Variants in UNC5D observed in about 807,000 individuals in gnomAD.
UNC5D encodes unc-5 netrin receptor D.
Under a neutral mutation model 105.4 loss-of-function variants are expected in UNC5D, and 39 were observed. The observed-to-expected ratio is 0.37, with a 90% CI of 0.29 to 0.48. The LOEUF is 0.48. Among genes scored for constraint, UNC5D ranks in the 20% least tolerant of loss-of-function variants. The pLI, the probability that UNC5D is intolerant of heterozygous loss-of-function variation, is 0.98. For synonymous variants in UNC5D, 452 were observed against 450.4 expected, an observed-to-expected ratio of 1.00 and a Z score of -0.04; for missense variants, 991 against 1,202.4, an observed-to-expected ratio of 0.82 and a Z score of 2.60.
rs10657691 is a variant in UNC5D at position 35,734,335 on chromosome 8, C to CAAAAAAA, written c.1766+3260_1766+3266dup. Among the ~76,000 whole-genome samples the CAAAAAAA allele has an allele frequency of 5.7e-4, 16 of 28,288 alleles. 1 individual carries two copies. The highest frequency in any genetic ancestry group is 1.6e-3 in the African/African-American group (15 of 9,482). 18.6% of individuals were successfully genotyped at this position (28,288 alleles called of 152,430 possible). A position where few individuals can be genotyped will look rare whatever the true frequency, so the allele number is the denominator to read the frequency against. Reference sequence around the variant, plus strand: ...GGAGGAAACCAGCAGTAATCACTGTCAAAAAAAAAAAAAAAAAAAAAAAAA... The same window carrying CAAAAAAA: ...GGAGGAAACCAGCAGTAATCACTGTCAAAAAAAAAAAAAAAAAAAAAAAAAAAAAAAA... On this transcript the variant is annotated intron_variant, in intron 11 of 16. Transcript: ENST00000404895.
chr8:35,521,403 ATAAG>A (rs1192019764), intron 1 of UNC5D, among the ~76,000 whole-genome samples: 1 of 152,172 alleles, frequency 6.6e-6, no homozygotes, highest in African/African-American at 2.4e-5. Flanking sequence ...ACTTTGTGTA[ATAAG>A]TAAGTCAGGA....
At chr8:35,634,968 G>C (rs1039594022) in intron 4 of UNC5D, among the ~76,000 whole-genome samples, 1 of 151,980 alleles carries the variant, frequency 6.6e-6, no homozygotes, top group African/African-American at 2.4e-5. Flanking sequence ...ATTTCTCCAC[G>C]TTGGTCAGGC....
At chr8:35,533,462 A>G (rs6992246) in intron 1 of UNC5D, among the ~76,000 whole-genome samples, 30,256 of 151,612 alleles carry the variant, frequency 0.2, 4,304 homozygotes, top group African/African-American at 0.38. Context: ...CTGTCATACA[A>G]GGACACTTAA....
intron 1 of UNC5D, among the ~76,000 whole-genome samples, chr8:35,460,704 G>A (rs557777761): frequency 5.3e-5 from 8 of 152,166 alleles, no homozygotes; most frequent in African/African-American, 1.9e-4. Context: ...GCCTTTGCAC[G>A]CATGTTGGAG....
At chr8:35,705,987 A>G in intron 8 of UNC5D, 26 bp downstream of exon 8, 1 of 1,292,308 alleles carries the variant, frequency 7.7e-7, no homozygotes, top group East Asian at 2.5e-5. Context: ...TCTTGTGAAT[A>G]TAATTTATTC....
chr8:35,763,717 C>T (rs1406780117), intron 14 of UNC5D, among the ~76,000 whole-genome samples: 1 of 152,096 alleles, frequency 6.6e-6, no homozygotes, highest in African/African-American at 2.4e-5. Context: ...GTGCATAGTG[C>T]AAAGCAACCC....
chr8:35,380,196 A>AGG (rs1357996735), intron 1 of UNC5D, among the ~76,000 whole-genome samples: 1 of 146,126 alleles, frequency 6.8e-6, no homozygotes, highest in African/African-American at 2.6e-5. Context: ...AGAGACCGAG[A>AGG]GGGAGAGAGA....
intron 1 of UNC5D, among the ~76,000 whole-genome samples, chr8:35,334,810 G>A (rs1398448399): frequency 6.6e-6 from 1 of 152,024 alleles, no homozygotes; most frequent in African/African-American, 2.4e-5. Context: ...CACCACACCT[G>A]GCCTAAACTG....
chr8:35,332,485 T>C (rs1810702221), intron 1 of UNC5D, among the ~76,000 whole-genome samples: 1 of 152,242 alleles, frequency 6.6e-6, no homozygotes, highest in Admixed American at 6.5e-5. Flanking sequence ...AAAGATTTCA[T>C]GTGAACTCTT....
chr8:35,614,797 G>A (rs924523947), intron 4 of UNC5D, among the ~76,000 whole-genome samples: 2 of 152,150 alleles, frequency 1.3e-5, no homozygotes, highest in Non-Finnish European at 2.9e-5. Flanking sequence ...TAGCTGGGAA[G>A]CTCTAGTTCC....
chr8:35,280,426 G>A lies in UNC5D; in HGVS notation c.103+44539G>A, dbSNP rs61576945. On this transcript the variant is annotated intron_variant, in intron 1 of 16. Transcript: ENST00000404895. Reference sequence around the variant, plus strand: ...AGTGAGAGAGTCCATTGTGTCTCACGTTATGCATTAGATCCAGAGTTAAGT... The same window carrying A: ...AGTGAGAGAGTCCATTGTGTCTCACATTATGCATTAGATCCAGAGTTAAGT... Among the ~76,000 whole-genome samples, 1,515 of 152,272 alleles carry A rather than the reference G, an allele frequency of 9.9e-3. 13 individuals are homozygous for A. The highest frequency in any genetic ancestry group is 0.034 in the African/African-American group (1,416 of 41,536).
intron 1 of UNC5D, among the ~76,000 whole-genome samples, chr8:35,416,484 T>C (rs1805542916): frequency 6.6e-6 from 1 of 152,198 alleles, no homozygotes; most frequent in Non-Finnish European, 1.5e-5. Flanking sequence ...GATCTTTAAA[T>C]GCCTGGACAA....
intron 13 of UNC5D, among the ~76,000 whole-genome samples, chr8:35,751,361 C>A (rs990997170): frequency 3.9e-5 from 6 of 152,156 alleles, no homozygotes; most frequent in African/African-American, 1.4e-4. Flanking sequence ...TTGTAGCCTC[C>A]AGCTGCATGA....
At chr8:35,585,461 A>G (rs781763136) in intron 3 of UNC5D, among the ~76,000 whole-genome samples, 6 of 152,028 alleles carry the variant, frequency 3.9e-5, no homozygotes, top group Non-Finnish European at 8.8e-5. Flanking sequence ...AACAGGAGTT[A>G]TGGTTGCAAT....
At chr8:35,465,295 G>A (rs1391147716) in intron 1 of UNC5D, among the ~76,000 whole-genome samples, 1 of 152,230 alleles carries the variant, frequency 6.6e-6, no homozygotes, top group African/African-American at 2.4e-5. Flanking sequence ...GGAAGGCTGA[G>A]GTGGGAAGAC....
At chr8:35,519,162 G>A (rs1813296561) in intron 1 of UNC5D, among the ~76,000 whole-genome samples, 1 of 151,678 alleles carries the variant, frequency 6.6e-6, no homozygotes, top group Non-Finnish European at 1.5e-5. Flanking sequence ...CCTCTTTTAG[G>A]TCATTTGTAT....
At chr8:35,680,876 G>C (rs1346473060) in intron 4 of UNC5D, among the ~76,000 whole-genome samples, 1 of 152,182 alleles carries the variant, frequency 6.6e-6, no homozygotes, top group Non-Finnish European at 1.5e-5. Flanking sequence ...GCTGAGCGGG[G>C]AACATAGGAG....
At chr8:35,552,201 G>A (rs945429099) in intron 2 of UNC5D, among the ~76,000 whole-genome samples, 2 of 152,188 alleles carry the variant, frequency 1.3e-5, no homozygotes, top group African/African-American at 4.8e-5. Flanking sequence ...AACTGGGAGA[G>A]AGAGAGAGCT....
intron 4 of UNC5D, among the ~76,000 whole-genome samples, chr8:35,682,025 C>T (rs973288566): frequency 3.9e-5 from 6 of 152,094 alleles, no homozygotes; most frequent in South Asian, 2.1e-4. Context: ...AGTGCAGTGG[C>T]GCGATCTCAG....
Sources: gnomAD v4.1 joint callset for allele counts (sites outside exome capture counted in the v4.1 genomes callset) on GRCh38, gnomAD v4.1.1 for gene constraint, MANE v1.5 for transcripts, NCBI Gene and HGNC (gene_info 2026-07-23, HGNC 2026-07-21) for gene names.